The following HDAC9 variants were observed in gnomAD, a reference collection of about 807,000 sequenced individuals.
The protein encoded by HDAC9 is histone deacetylase 9.
Under a neutral mutation model 139.4 loss-of-function variants are expected in HDAC9, and 41 were observed. The ratio of observed to expected loss-of-function variants is 0.29; its 90% confidence interval spans 0.23 to 0.38. The LOEUF (loss-of-function observed/expected upper bound fraction) is 0.38, where lower values mean the gene tolerates loss of function less well. Among genes scored for constraint, HDAC9 ranks in the 10% least tolerant of loss-of-function variants. The probability of loss-of-function intolerance (pLI) is 1.00; values close to 1 mark genes in which losing one functional copy is unlikely to be tolerated. For missense variants in HDAC9, 1,147 were observed against 1,297.0 expected (o/e 0.88, Z 1.78); for synonymous variants, 517 against 476.2 (o/e 1.09, Z -1.12).
At chr7:18,187,580 T>C (rs1219757152) in intron 2 of HDAC9, among the ~76,000 whole-genome samples, 2 of 152,214 alleles carry the variant, frequency 1.3e-5, no homozygotes, top group Admixed American at 1.3e-4. Context: ...GTTCCAATCT[T>C]GACAAACCTT....
intron 12 of HDAC9, among the ~76,000 whole-genome samples, chr7:18,708,216 T>C (rs753527327): frequency 1.3e-5 from 2 of 151,972 alleles, no homozygotes; most frequent in Non-Finnish European, 2.9e-5. Flanking sequence ...GAAGGTGAGG[T>C]CATTTGCTGA....
At chr7:18,306,587 T>C (rs555421514) in intron 1 of HDAC9, among the ~76,000 whole-genome samples, 1 of 152,208 alleles carries the variant, frequency 6.6e-6, no homozygotes, top group African/African-American at 2.4e-5. Context: ...CTTCTACACA[T>C]ACTTTTGGTC....
At chr7:18,978,989 G>A (rs992445803) in intron 25 of HDAC9, among the ~76,000 whole-genome samples, 3 of 152,014 alleles carry the variant, frequency 2.0e-5, no homozygotes, top group African/African-American at 7.2e-5. Flanking sequence ...AAACTTGAAA[G>A]TTAGATTTGC....
intron 17 of HDAC9, among the ~76,000 whole-genome samples, chr7:18,821,314 G>C (rs993403469): frequency 1.3e-5 from 2 of 152,186 alleles, no homozygotes; most frequent in South Asian, 2.1e-4. Context: ...AGAGGAACTT[G>C]ATGGTGACTG....
intron 2 of HDAC9, among the ~76,000 whole-genome samples, chr7:18,527,460 G>C (rs966577359): frequency 1.3e-5 from 2 of 152,126 alleles, no homozygotes; most frequent in Non-Finnish European, 2.9e-5. Context: ...CTCAGAATTA[G>C]ATTTGAAAGT....
chr7:18,395,692 T>C (rs1274190815), intron 1 of HDAC9, among the ~76,000 whole-genome samples: 1 of 152,130 alleles, frequency 6.6e-6, no homozygotes, highest in Admixed American at 6.6e-5. Context: ...ATCGGAAACT[T>C]GACATTGCCA....
chr7:18,779,532 C>T (rs1051754844), intron 16 of HDAC9, among the ~76,000 whole-genome samples: 9 of 151,910 alleles, frequency 5.9e-5, no homozygotes, highest in Admixed American at 1.3e-4. Context: ...CAAAACTGCT[C>T]GGAATAGTTT....
intron 1 of HDAC9, among the ~76,000 whole-genome samples, chr7:18,366,727 A>T (rs1449639562): frequency 6.6e-6 from 1 of 152,098 alleles, no homozygotes; most frequent in Non-Finnish European, 1.5e-5. Context: ...TTGTAGTTGC[A>T]GAGTTATAAC....
intron 2 of HDAC9, among the ~76,000 whole-genome samples, chr7:18,165,329 C>A (rs1344349244): frequency 3.9e-5 from 6 of 152,102 alleles, no homozygotes; most frequent in African/African-American, 1.4e-4. Context: ...TATGACTTGG[C>A]AAAGTGTAGA....
At chr7:18,593,379 G>T (rs1259746509) in intron 5 of HDAC9, among the ~76,000 whole-genome samples, 1 of 152,094 alleles carries the variant, frequency 6.6e-6, no homozygotes, top group African/African-American at 2.4e-5. Context: ...TAAAGAATGT[G>T]ATCCCCATTC....
At chr7:18,692,380 A>G (rs973786380) in intron 12 of HDAC9, among the ~76,000 whole-genome samples, 2 of 152,034 alleles carry the variant, frequency 1.3e-5, no homozygotes, top group African/African-American at 4.8e-5. Context: ...TCGCAACATT[A>G]AAAAAATGAC....
chr7:18,764,175 A>G (rs769304634), intron 15 of HDAC9, among the ~76,000 whole-genome samples: 2 of 152,144 alleles, frequency 1.3e-5, no homozygotes, highest in Admixed American at 1.3e-4. Flanking sequence ...GGTTCTTTTC[A>G]TGTATGTATG....
chr7:18,884,491 A>C (rs1005480144), intron 22 of HDAC9, among the ~76,000 whole-genome samples: 1 of 152,210 alleles, frequency 6.6e-6, no homozygotes, highest in South Asian at 2.1e-4. Context: ...TAGATATCCA[A>C]ATGCAGAGGA....
intron 2 of HDAC9, among the ~76,000 whole-genome samples, chr7:18,260,067 A>G (rs1164526182): frequency 6.6e-6 from 1 of 152,126 alleles, no homozygotes; most frequent in African/African-American, 2.4e-5. Context: ...AGGTGTGTGT[A>G]CTCAGAAGAT....
intron 2 of HDAC9, among the ~76,000 whole-genome samples, chr7:18,558,340 A>T (rs1377621383): frequency 1.3e-5 from 2 of 152,184 alleles, no homozygotes; most frequent in East Asian, 3.8e-4. Flanking sequence ...TGAAGGAACT[A>T]CAGAGAAATA....
At chr7:18,967,496 GC>G (rs144020619) in intron 24 of HDAC9, among the ~76,000 whole-genome samples, 2,519 of 104,778 alleles carry the variant, frequency 0.024, 139 homozygotes, top group African/African-American at 0.065. Context: ...AAATAAAGTT[GC>G]CCCCCCCCCA....
intron 6 of HDAC9, 81 bp downstream of exon 6, chr7:18,594,110 G>T: frequency 6.7e-7 from 1 of 1,494,018 alleles, no homozygotes. Flanking sequence ...CTAGAAGAAA[G>T]TCAAAGGATT....
At chr7:18,107,524 T>TCA (rs1174828480) in intron 1 of HDAC9, among the ~76,000 whole-genome samples, 2 of 151,406 alleles carry the variant, frequency 1.3e-5, no homozygotes, top group African/African-American at 2.4e-5. Context: ...TCTCTCTCTC[T>TCA]CACACGCACA....
At chr7:18,873,332 T>A (rs1358024883) in intron 21 of HDAC9, among the ~76,000 whole-genome samples, 1 of 152,184 alleles carries the variant, frequency 6.6e-6, no homozygotes, top group East Asian at 1.9e-4. Context: ...CACTTACATG[T>A]GTATTTATGA....
Sources: gnomAD v4.1 joint callset for allele counts (sites outside exome capture counted in the v4.1 genomes callset) on GRCh38, gnomAD v4.1.1 for gene constraint, MANE v1.5 for transcripts, NCBI Gene and HGNC (gene_info 2026-07-23, HGNC 2026-07-21) for gene names.